Variants in ATM observed in about 807,000 individuals in gnomAD.
The protein encoded by ATM is serine-protein kinase ATM.
In ATM, 308 loss-of-function variants were observed where a neutral mutation model predicts 387.0. That is an observed-to-expected ratio of 0.80 (90% confidence interval 0.73 to 0.87). The LOEUF is 0.87. Ranked by LOEUF, ATM falls within the 40% of genes least tolerant of loss-of-function variation. ATM has a pLI of 0.00. For synonymous variants in ATM, 1,156 were observed against 1,187.3 expected (o/e 0.97, Z 0.54); for missense variants, 3,312 against 3,560.9 (o/e 0.93, Z 1.78).
At chr11:108,236,796 A>G (rs2079301909) in intron 5 of ATM, among the ~76,000 whole-genome samples, 1 of 152,186 alleles carries the variant, frequency 6.6e-6, no homozygotes, top group Non-Finnish European at 1.5e-5. Context: ...GCTGGGAGGT[A>G]CTGAGAGACC....
chr11:108,267,262 C>T lies in ATM; in HGVS notation c.2558C>T (p.Ser853Leu), dbSNP rs1555082235. ...AATCTAATGGAGGTGGAGGATCAGT[C>T]ATCCATGAATCTATTTAACGATTAC... ...NGNLMEVEDQ[S>L]SMNLFNDYPD... The change falls in exon 17 of 63, where the codon TCA (serine) becomes TTA (leucine). Residue 853 changes from serine to leucine, a missense_variant. By Grantham distance (145) the Ser-to-Leu change is moderately radical. This residue lies in a region of ATM where 1,791 missense variants were observed against 1,804.5 expected (regional missense o/e 0.99). Transcript: ENST00000675843. 6.2e-7 allele frequency: 1 copy of T among 1,614,030 alleles called. No individual in the cohort carries two copies. Among genetic ancestry groups the T allele is most frequent in the East Asian group, 2.2e-5 (1 of 44,868 alleles).
At chr11:108,358,508 T>A (rs1348514249) in intron 61 of ATM, among the ~76,000 whole-genome samples, 1 of 146,226 alleles carries the variant, frequency 6.8e-6, no homozygotes, top group African/African-American at 2.5e-5. Context: ...TTCACCAAAG[T>A]TGAAATGAAG....
intron 39 of ATM, among the ~76,000 whole-genome samples, chr11:108,311,367 G>A (rs1219562593): frequency 6.6e-6 from 1 of 152,046 alleles, no homozygotes; most frequent in Non-Finnish European, 1.5e-5. Context: ...ATTTGAAGAA[G>A]GGTGCCAAAG....
chr11:108,338,158 GGCC>G (rs2087064031), intron 56 of ATM, among the ~76,000 whole-genome samples: 1 of 152,208 alleles, frequency 6.6e-6, no homozygotes, highest in Non-Finnish European at 1.5e-5. Flanking sequence ...AGACCAGCCT[GGCC>G]AACATGGCCA....
intron 16 of ATM, among the ~76,000 whole-genome samples, chr11:108,260,907 C>T (rs2080832193): frequency 6.6e-6 from 1 of 152,152 alleles, no homozygotes; most frequent in Non-Finnish European, 1.5e-5. Context: ...CGGGTCACTC[C>T]CCGAATACTG....
rs564056635 is a variant in ATM at position 108,266,167 on chromosome 11, A to G, written c.2467-1004A>G. On this transcript the variant is annotated intron_variant, in intron 16 of 62. Coordinates refer to ENST00000675843, the MANE Select transcript of ATM (RefSeq NM_000051.4). ...CCAAAGGACTATAAATCATGCCGCT[A>G]TAAAGACACATGCACACGTATGTTT... Among the ~76,000 whole-genome samples, 1,001 of 147,952 alleles carry G rather than the reference A, an allele frequency of 6.8e-3. 16 individuals carry two copies. Among genetic ancestry groups the G allele is most frequent in the African/African-American group, 0.023 (926 of 40,704 alleles).
chr11:108,270,429 T>C (rs933082170), intron 18 of ATM, among the ~76,000 whole-genome samples: 1 of 152,200 alleles, frequency 6.6e-6, no homozygotes, highest in African/African-American at 2.4e-5. Context: ...AATTCCACAA[T>C]AGAAGCTAGA....
At position 108,268,617 on chromosome 11, in the gene ATM, A is replaced by G. The variant is rs1295524564; in HGVS notation, c.2838+8A>G. ...TCCCTCCACCTGCATATGGTGAGTT[A>G]CGTTAAATGAAGAAGCTCTTGGATT... is the stretch of plus-strand genomic sequence containing the variant. On this transcript the variant is annotated splice_region_variant and intron_variant, in intron 18 of 62. Coordinates refer to ENST00000675843, the MANE Select transcript of ATM (RefSeq NM_000051.4). The G allele has an allele frequency of 6.2e-7, 1 of 1,613,052 alleles. No individual in the cohort carries two copies. Among genetic ancestry groups the G allele is most frequent in the African/African-American group, 1.3e-5 (1 of 75,032 alleles).
chr11:108,234,715 T>G (rs2079182685), intron 4 of ATM, among the ~76,000 whole-genome samples: 1 of 151,992 alleles, frequency 6.6e-6, no homozygotes, highest in African/African-American at 2.4e-5. Flanking sequence ...TGGCACAACA[T>G]CTATAGTCCC....
At chr11:108,305,025 A>G (rs930370512) in intron 37 of ATM, among the ~76,000 whole-genome samples, 173 bp downstream of exon 37, 2 of 152,200 alleles carry the variant, frequency 1.3e-5, no homozygotes, top group South Asian at 2.1e-4. Context: ...CAAGTTTTCA[A>G]TGAAATAATG....
At chr11:108,283,695 C>T (rs2082344099) in intron 25 of ATM, among the ~76,000 whole-genome samples, 1 of 152,248 alleles carries the variant, frequency 6.6e-6, no homozygotes, top group South Asian at 2.1e-4. Flanking sequence ...CAGGATCCCC[C>T]ATGTATGCCT....
In ATM at chr11:108,317,372, G is replaced by C; in HGVS notation, c.6199-1G>C. 6.2e-7 allele frequency: 1 copy of C among 1,610,124 alleles called. No homozygotes were observed. Among genetic ancestry groups the C allele is most frequent in the South Asian group, 1.1e-5 (1 of 91,020 alleles). On this transcript the variant is annotated splice_acceptor_variant, in intron 42 of 62. Transcript: ENST00000675843. LOFTEE classifies it high-confidence loss of function. ...TTAAAAACAAAATAACTCCTGTTTA[G>C]GCCTTGCAGAATTTGGGACTCTGCC...
rs1591474358 is a variant in ATM, at chr11:108,235,673, C to T, written c.335C>T (p.Ala112Val). 7 of 1,605,406 alleles carry T rather than the reference C, an allele frequency of 4.4e-6. No homozygotes were observed. Among genetic ancestry groups the T allele is most frequent in the African/African-American group, 1.3e-5 (1 of 74,704 alleles). The change falls in exon 5 of 63, where the codon GCA (alanine) becomes GTA (valine). Residue 112 changes from alanine to valine, a missense_variant. Around this residue, in one of 4 missense-constraint regions of ATM, gnomAD observed 1,791 missense variants for 1,804.5 expected, o/e 0.99. Transcript: ENST00000675843. Reference sequence around the variant, plus strand: ...TTATTTGTTTATTTTGAAATAGGAGCACCTAGGCTAAAATGTCAAGAACTC... The same window carrying T: ...TTATTTGTTTATTTTGAAATAGGAGTACCTAGGCTAAAATGTCAAGAACTC... ...KYFIKCANRR[A>V]PRLKCQELLN... is the part of the protein sequence containing the mutation.
chr11:108,340,109 G>A (rs1283388121), intron 56 of ATM: 1 of 152,018 alleles, frequency 6.6e-6, no homozygotes, highest in Non-Finnish European at 1.5e-5. Context: ...TGTTAGAGAT[G>A]GTACCACCTT....
chr11:108,344,299 T>C (rs2088001289), intron 57 of ATM, among the ~76,000 whole-genome samples: 1 of 151,844 alleles, frequency 6.6e-6, no homozygotes, highest in Non-Finnish European at 1.5e-5. Flanking sequence ...GAGGAAAAGG[T>C]GTGTGAGCCG....
chr11:108,364,195 A>AAACT (rs1442152075), intron 61 of ATM, among the ~76,000 whole-genome samples: 2 of 152,212 alleles, frequency 1.3e-5, no homozygotes, highest in Admixed American at 1.3e-4. Flanking sequence ...ATTTACTGAG[A>AAACT]AACTGTATAC....
At chr11:108,359,971 A>T (rs1421065950) in intron 61 of ATM, among the ~76,000 whole-genome samples, 1 of 151,770 alleles carries the variant, frequency 6.6e-6, no homozygotes, top group Non-Finnish European at 1.5e-5. Context: ...GGAAATAGAG[A>T]CACAAAAAAC....
At chr11:108,252,749 TTA>T (rs2080222712) in intron 11 of ATM, 66 bp from the exon 12 acceptor site, 1 of 1,085,594 alleles carries the variant, frequency 9.2e-7, no homozygotes, top group Admixed American at 2.0e-5. Context: ...AACATGGATG[TTA>T]AAGTTTAAAG....
chr11:108,347,283 T>A lies in ATM; in HGVS notation c.8589T>A (p.Gly2863=), dbSNP rs1409265866. ...TRSVATSSIV[G]YILGLGDRHV... ...GTTTGTTTCTTTTTTCTCCAGTTGG[T>A]TACATACTTGGACTTGGTGATAGAC... The change falls in exon 59 of 63, where the codon GGT becomes GGA. Residue 2863 remains glycine (G), a synonymous_variant. Coordinates refer to ENST00000675843, the MANE Select transcript of ATM (RefSeq NM_000051.4). 1 of 1,606,236 alleles carries A rather than the reference T, an allele frequency of 6.2e-7. No individual in the cohort carries two copies. Among genetic ancestry groups the A allele is most frequent in the Non-Finnish European group, 8.5e-7 (1 of 1,173,262 alleles).
Sources: gnomAD v4.1 joint callset for allele counts (sites outside exome capture counted in the v4.1 genomes callset) on GRCh38, gnomAD v4.1.1 for gene constraint, gnomAD v4.1.1 regional missense constraint, MANE v1.5 for transcripts, NCBI Gene and HGNC (gene_info 2026-07-23, HGNC 2026-07-21) for gene names.